Variants in GMDS observed in about 807,000 individuals in gnomAD.
GMDS encodes GDP-mannose 4,6-dehydratase.
GMDS carries 20 observed loss-of-function variants against 49.9 expected under a neutral mutation model. The observed-to-expected ratio is 0.40, with a 90% confidence interval of 0.28 to 0.58. GMDS has a LOEUF of 0.58. Ranked by LOEUF, GMDS falls within the 20% of genes least tolerant of loss-of-function variation. The pLI, the probability that GMDS is intolerant of heterozygous loss-of-function variation, is 0.42. For synonymous variants in GMDS, 177 were observed against 178.6 expected, an observed-to-expected ratio of 0.99 and a Z score of 0.07; for missense variants, 362 against 481.4, an observed-to-expected ratio of 0.75 and a Z score of 2.32.
chr6:2,026,903 T>C (rs919948318), intron 4 of GMDS, among the ~76,000 whole-genome samples: 5 of 152,212 alleles, frequency 3.3e-5, no homozygotes, highest in African/African-American at 1.2e-4. Flanking sequence ...AATTCTGAGA[T>C]GTTACCAAGA....
chr6:2,019,331 A>G (rs1768111391), intron 4 of GMDS, among the ~76,000 whole-genome samples: 1 of 151,712 alleles, frequency 6.6e-6, no homozygotes, highest in Non-Finnish European at 1.5e-5. Context: ...TCCAGCCTCC[A>G]TGCAATGTTG....
chr6:2,042,071 T>C (rs1189003340), intron 4 of GMDS, among the ~76,000 whole-genome samples: 3 of 152,176 alleles, frequency 2.0e-5, no homozygotes, highest in African/African-American at 7.2e-5. Flanking sequence ...CTGAAGGAGA[T>C]AACCCTGAGA....
chr6:1,713,011 A>G (rs577166090), intron 9 of GMDS, among the ~76,000 whole-genome samples: 225 of 152,330 alleles, frequency 1.5e-3, no homozygotes, highest in Non-Finnish European at 2.4e-3. Flanking sequence ...AGGCCATGCC[A>G]TCATATCTGC....
chr6:1,672,604 G>C (rs1338646549), intron 9 of GMDS, among the ~76,000 whole-genome samples: 2 of 152,356 alleles, frequency 1.3e-5, no homozygotes, highest in East Asian at 3.9e-4. Context: ...GATTGGTTAA[G>C]AGGATTCCAA....
chr6:2,134,405 T>C (rs1775889610), intron 1 of GMDS, among the ~76,000 whole-genome samples: 1 of 152,226 alleles, frequency 6.6e-6, no homozygotes, highest in Non-Finnish European at 1.5e-5. Context: ...ACCAGAGCTT[T>C]GTAAGGGTAG....
intron 7 of GMDS, among the ~76,000 whole-genome samples, chr6:1,745,656 C>T (rs1168867705): frequency 6.6e-6 from 1 of 152,190 alleles, no homozygotes; most frequent in African/African-American, 2.4e-5. Flanking sequence ...GGCCTTTGAC[C>T]TATCAATTTC....
chr6:1,643,553 T>A (rs1448129180), intron 9 of GMDS, among the ~76,000 whole-genome samples: 9 of 152,028 alleles, frequency 5.9e-5, no homozygotes, highest in Admixed American at 5.9e-4. Flanking sequence ...GGGATGCTGG[T>A]CAAAGGATAC....
intron 4 of GMDS, among the ~76,000 whole-genome samples, chr6:2,085,059 T>G (rs1358059814): frequency 1.3e-5 from 2 of 152,194 alleles, no homozygotes; most frequent in Non-Finnish European, 2.9e-5. Flanking sequence ...GGAAAATACC[T>G]GAACATGTTC....
At chr6:2,243,060 A>G (rs1173829482) in intron 1 of GMDS, among the ~76,000 whole-genome samples, 2 of 152,240 alleles carry the variant, frequency 1.3e-5, no homozygotes, top group Non-Finnish European at 2.9e-5. Context: ...GGGGTACAGA[A>G]GCCAATGCAA....
intron 4 of GMDS, among the ~76,000 whole-genome samples, chr6:1,969,701 C>T (rs1764491022): frequency 6.6e-6 from 1 of 152,124 alleles, no homozygotes; most frequent in Non-Finnish European, 1.5e-5. Flanking sequence ...AACATTTTCC[C>T]CAGGGTTCAC....
chr6:1,925,732 C>A (rs1026537068), intron 7 of GMDS, among the ~76,000 whole-genome samples: 1 of 152,090 alleles, frequency 6.6e-6, no homozygotes, highest in African/African-American at 2.4e-5. Context: ...AGGGAAGTGC[C>A]GGGAGGAGAA....
intron 1 of GMDS, among the ~76,000 whole-genome samples, chr6:2,182,426 G>A (rs1345703196): frequency 1.3e-5 from 2 of 152,150 alleles, no homozygotes; most frequent in Non-Finnish European, 2.9e-5. Context: ...GTCTTCTATT[G>A]GAAGAAGACG....
At chr6:2,000,121 A>G (rs1340565605) in intron 4 of GMDS, among the ~76,000 whole-genome samples, 1 of 121,286 alleles carries the variant, frequency 8.2e-6, no homozygotes, top group Non-Finnish European at 1.7e-5. Flanking sequence ...TGCAAGCTCC[A>G]CTTCCCAGGT....
At chr6:2,188,744 C>A (rs758412683) in intron 1 of GMDS, among the ~76,000 whole-genome samples, 2 of 152,158 alleles carry the variant, frequency 1.3e-5, no homozygotes, top group Non-Finnish European at 2.9e-5. Flanking sequence ...CAGGCGAGGG[C>A]ACATGTTGCA....
At chr6:1,870,445 C>A (rs996641555) in intron 7 of GMDS, among the ~76,000 whole-genome samples, 3 of 152,080 alleles carry the variant, frequency 2.0e-5, no homozygotes, top group Admixed American at 6.5e-5. Flanking sequence ...CTTCCTCCCC[C>A]ACCCCAGCCC....
intron 7 of GMDS, among the ~76,000 whole-genome samples, chr6:1,904,381 C>T (rs1451232843): frequency 1.3e-5 from 2 of 152,128 alleles, no homozygotes; most frequent in Admixed American, 6.5e-5. Context: ...GGCCGTCTGT[C>T]CTTCCTGAGA....
chr6:1,840,244 C>T (rs982645324), intron 7 of GMDS, among the ~76,000 whole-genome samples: 2 of 152,088 alleles, frequency 1.3e-5, no homozygotes, highest in Admixed American at 1.3e-4. Flanking sequence ...GCAAGACCTC[C>T]CACCTGGAAG....
intron 1 of GMDS, among the ~76,000 whole-genome samples, chr6:2,182,353 C>T (rs1313191839): frequency 6.6e-6 from 1 of 152,234 alleles, no homozygotes; most frequent in East Asian, 1.9e-4. Context: ...GCCAGAATAT[C>T]TAGCCAACAT....
In GMDS at chr6:1,882,615, T is replaced by A. The variant is rs545173121; in HGVS notation, c.771+47488A>T. On this transcript the variant is annotated intron_variant, in intron 7 of 10. Coordinates refer to ENST00000380815, the MANE Select transcript of GMDS (RefSeq NM_001500.4). ...AGTTAAGAAAGAAAAAAGAAAAAAA[T>A]CCAATCTTAAGAACTCAACGTCATA... Among the ~76,000 whole-genome samples, 92 of 152,116 alleles carry A rather than the reference T, an allele frequency of 6.0e-4. 1 individual carries two copies. The highest frequency in any genetic ancestry group is 3.4e-3 in the Middle Eastern group (1 of 292).
Sources: gnomAD v4.1 joint callset for allele counts (sites outside exome capture counted in the v4.1 genomes callset) on GRCh38, gnomAD v4.1.1 for gene constraint, MANE v1.5 for transcripts, NCBI Gene and HGNC (gene_info 2026-07-23, HGNC 2026-07-21) for gene names.